The following ANKS1B variants were observed in gnomAD, a reference collection of about 807,000 sequenced individuals.
The protein encoded by ANKS1B is ankyrin repeat and sterile alpha motif domain containing 1B.
A neutral mutation model predicts 148.3 loss-of-function variants in ANKS1B; 36 were observed. The ratio of observed to expected loss-of-function variants is 0.24; its 90% CI spans 0.19 to 0.32. The LOEUF (loss-of-function observed/expected upper bound fraction) is 0.32. Ranked by LOEUF, ANKS1B falls within the 10% of genes least tolerant of loss-of-function variation. The pLI, the probability that ANKS1B is intolerant of heterozygous loss-of-function variation, is 1.00. For synonymous variants in ANKS1B, 542 were observed against 560.8 expected, an observed-to-expected ratio of 0.97 and a Z score of 0.47; for missense variants, 1,157 against 1,542.6, an observed-to-expected ratio of 0.75 and a Z score of 4.19.
At chr12:99,445,763 C>T (rs955242947) in intron 10 of ANKS1B, among the ~76,000 whole-genome samples, 2 of 151,906 alleles carry the variant, frequency 1.3e-5, no homozygotes, top group Non-Finnish European at 2.9e-5. Context: ...CTACCATCAC[C>T]CAGGCTGGAG....
intron 25 of ANKS1B, among the ~76,000 whole-genome samples, chr12:98,762,849 G>A (rs1305383941): frequency 3.3e-5 from 5 of 152,214 alleles, no homozygotes; most frequent in Non-Finnish European, 1.5e-5. Context: ...GGTCTCACTG[G>A]GCTTTGCATC....
At chr12:99,543,958 A>G (rs1051543010) in intron 9 of ANKS1B, among the ~76,000 whole-genome samples, 2 of 152,178 alleles carry the variant, frequency 1.3e-5, no homozygotes, top group African/African-American at 4.8e-5. Context: ...ATGACATAAG[A>G]AGACAAATAA....
intron 17 of ANKS1B, among the ~76,000 whole-genome samples, chr12:98,894,407 G>A (rs1263302059): frequency 6.6e-6 from 1 of 151,994 alleles, no homozygotes; most frequent in Non-Finnish European, 1.5e-5. Flanking sequence ...TGGGGGAATC[G>A]ATAACCAGAA....
chr12:99,520,940 T>A (rs1567262943), intron 9 of ANKS1B, among the ~76,000 whole-genome samples: 1 of 152,064 alleles, frequency 6.6e-6, no homozygotes, highest in Non-Finnish European at 1.5e-5. Context: ...GGATTACAGG[T>A]GCCCACCACC....
chr12:99,929,611 T>A (rs1177373901), intron 1 of ANKS1B, among the ~76,000 whole-genome samples: 1 of 152,190 alleles, frequency 6.6e-6, no homozygotes, highest in Non-Finnish European at 1.5e-5. Flanking sequence ...GGTTTTCTTC[T>A]AGGGTTTTTA....
intron 12 of ANKS1B, among the ~76,000 whole-genome samples, 167 bp downstream of exon 12, chr12:99,399,464 G>T (rs2094344121): frequency 6.6e-6 from 1 of 152,144 alleles, no homozygotes; most frequent in Non-Finnish European, 1.5e-5. Context: ...TATTCAAAAA[G>T]AATATTACAG....
intron 9 of ANKS1B, among the ~76,000 whole-genome samples, chr12:99,543,044 A>T (rs191346596): frequency 9.2e-5 from 14 of 152,272 alleles, no homozygotes; most frequent in African/African-American, 3.4e-4. Context: ...GTAAAAAGAC[A>T]TTCACAGACT....
chr12:99,511,095 T>C (rs577316004), intron 9 of ANKS1B, among the ~76,000 whole-genome samples: 2 of 152,158 alleles, frequency 1.3e-5, no homozygotes, highest in South Asian at 2.1e-4. Context: ...ATCCTTGTCA[T>C]GTGCTGGTTT....
chr12:99,288,454 A>G (rs751435012), intron 12 of ANKS1B, among the ~76,000 whole-genome samples: 2 of 152,164 alleles, frequency 1.3e-5, no homozygotes, highest in African/African-American at 2.4e-5. Context: ...GTTAATGAGC[A>G]ATAAGAAAAC....
At chr12:98,861,043 G>A (rs1445757813) in intron 17 of ANKS1B, among the ~76,000 whole-genome samples, 1 of 152,106 alleles carries the variant, frequency 6.6e-6, no homozygotes, top group African/African-American at 2.4e-5. Context: ...ACAGATGCGT[G>A]GTAAAATGAA....
intron 9 of ANKS1B, among the ~76,000 whole-genome samples, chr12:99,539,964 GA>G (rs557174109): frequency 5.9e-4 from 89 of 151,480 alleles, no homozygotes; most frequent in Non-Finnish European, 1.0e-4. Flanking sequence ...GTAAAAATAT[GA>G]AAAAAAGATA....
At chr12:99,954,962 C>T (rs1199390154) in intron 1 of ANKS1B, among the ~76,000 whole-genome samples, 2 of 152,222 alleles carry the variant, frequency 1.3e-5, no homozygotes, top group Admixed American at 1.3e-4. Flanking sequence ...TGCTCCTGAT[C>T]TCCTACATTC....
intron 17 of ANKS1B, among the ~76,000 whole-genome samples, chr12:98,941,128 T>C (rs1449873186): frequency 6.6e-6 from 1 of 152,220 alleles, no homozygotes; most frequent in East Asian, 1.9e-4. Context: ...GATCAATTTA[T>C]AACCTTGTTT....
At chr12:99,127,368 T>G (rs2064722127) in intron 15 of ANKS1B, among the ~76,000 whole-genome samples, 1 of 152,088 alleles carries the variant, frequency 6.6e-6, no homozygotes, top group Admixed American at 6.6e-5. Context: ...ACAGGAATGA[T>G]GCTTCCAGAT....
At chr12:99,522,284 C>G (rs1243674316) in intron 9 of ANKS1B, among the ~76,000 whole-genome samples, 1 of 152,122 alleles carries the variant, frequency 6.6e-6, no homozygotes, top group Admixed American at 6.5e-5. Context: ...GTCCTTTAGG[C>G]CCTGTGCCAC....
intron 9 of ANKS1B, among the ~76,000 whole-genome samples, chr12:99,506,401 T>C (rs924120344): frequency 1.1e-4 from 17 of 151,958 alleles, no homozygotes; most frequent in Admixed American, 9.2e-4. Context: ...GAGAGTCAAT[T>C]ATGGTCATGA....
intron 14 of ANKS1B, among the ~76,000 whole-genome samples, chr12:99,224,517 T>TTGGTCC (rs2085583182): frequency 1.3e-5 from 2 of 152,130 alleles, no homozygotes; most frequent in South Asian, 4.1e-4. Context: ...TCTCTCTCTC[T>TTGGTCC]TGGTCCTGGT....
chr12:99,246,800 G>T lies in ANKS1B; in HGVS notation c.1821C>A (p.Gly607=). Residue 607 remains glycine (G), a synonymous_variant, in exon 13 of 27, where the codon GGC becomes GGA. Transcript: ENST00000683438. ...PKEYDPGQFA[G]LLHGSSPACE... is the part of the protein sequence containing the mutation. The stretch of plus-strand genomic sequence containing the variant: ...AGGCTGGAGAGGATCCATGGAGCAG[G>T]CCTGCAAATTGCCCAGGATCATATT... 1 of 1,612,570 alleles carries T rather than the reference G, an allele frequency of 6.2e-7. No individual in the cohort carries two copies. Among genetic ancestry groups the T allele is most frequent in the South Asian group, 1.1e-5 (1 of 90,876 alleles).
intron 1 of ANKS1B, among the ~76,000 whole-genome samples, chr12:99,866,035 T>C (rs1252804105): frequency 5.3e-5 from 8 of 152,184 alleles, no homozygotes; most frequent in African/African-American, 1.7e-4. Context: ...TGGAAAAGGA[T>C]AAAGTCCCAG....
Sources: gnomAD v4.1 joint callset for allele counts (sites outside exome capture counted in the v4.1 genomes callset) on GRCh38, gnomAD v4.1.1 for gene constraint, MANE v1.5 for transcripts, NCBI Gene and HGNC (gene_info 2026-07-23, HGNC 2026-07-21) for gene names.